MAEA: variants seen among roughly 807,000 people sequenced by gnomAD.
The protein encoded by MAEA is macrophage erythroblast attacher, E3 ubiquitin ligase, also known as E3 ubiquitin-protein transferase MAEA.
A neutral mutation model predicts 46.2 loss-of-function variants in MAEA; 22 were observed. The ratio of observed to expected loss-of-function variants is 0.48; its 90% CI spans 0.34 to 0.68. MAEA has a LOEUF of 0.68. Ranked by LOEUF, MAEA falls within the 30% of genes least tolerant of loss-of-function variation. MAEA has a pLI of 0.01. For missense variants in MAEA, 393 were observed against 558.1 expected, an observed-to-expected ratio of 0.70 and a Z score of 2.98; for synonymous variants, 246 against 222.6, an observed-to-expected ratio of 1.11 and a Z score of -0.94.
At chr4:1,316,321 C>T (rs1737162541) in intron 3 of MAEA, among the ~76,000 whole-genome samples, 1 of 126,382 alleles carries the variant, frequency 7.9e-6, no homozygotes, top group Non-Finnish European at 1.5e-5. Flanking sequence ...GGCAGTTGTC[C>T]ACTGCTGTGG....
At position 1,312,279 on chromosome 4, in the gene MAEA, G is replaced by C. The variant is rs181747512; in HGVS notation, c.252+118G>C. On this transcript the variant is annotated intron_variant, in intron 2 of 8. Coordinates refer to ENST00000303400, the MANE Select transcript of MAEA (RefSeq NM_001017405.3). ...GGGAACGCGGGAGGTGCGGTTGGGG[G>C]CCCCCTTCCCTGCTGTCTGCCTTCT... 4.7e-6 allele frequency: 6 copies of C among 1,270,698 alleles called. No homozygotes were observed. In the South Asian group the frequency reaches 8.4e-5, roughly 18 times the overall value. The allele number at this position is 1,270,698 out of a possible 1,614,324, so 78.7% of individuals were successfully genotyped here.
chr4:1,317,808 G>A (rs1737489117), intron 3 of MAEA, among the ~76,000 whole-genome samples: 1 of 152,228 alleles, frequency 6.6e-6, no homozygotes, highest in Non-Finnish European at 1.5e-5. Context: ...TGGTGCCCCT[G>A]GGTGCCCTGC....
intron 1 of MAEA, among the ~76,000 whole-genome samples, chr4:1,308,988 G>A (rs372736415): frequency 3.3e-5 from 5 of 152,190 alleles, no homozygotes; most frequent in South Asian, 4.1e-4. Context: ...CCTATGATAC[G>A]GTCTGTGAGG....
At chr4:1,334,056 ACCCACCCCCATGCCCGTGTGC>A in intron 6 of MAEA, among the ~76,000 whole-genome samples, 1 of 17,512 alleles carries the variant, frequency 5.7e-5, no homozygotes, top group African/African-American at 3.1e-4. Flanking sequence ...TCACCCCTGC[ACCCACCCCCATGCCCGTGTGC>A]TCACCCCTGC....
At chr4:1,336,606 G>A (rs535886054) in intron 6 of MAEA, among the ~76,000 whole-genome samples, 1 of 152,254 alleles carries the variant, frequency 6.6e-6, no homozygotes, top group African/African-American at 2.4e-5. Flanking sequence ...CCTGTAGCAT[G>A]TTGAAATCAG....
chr4:1,316,136 C>T (rs988947727), intron 3 of MAEA, among the ~76,000 whole-genome samples: 8 of 152,110 alleles, frequency 5.3e-5, no homozygotes, highest in African/African-American at 1.2e-4. Context: ...TCCATTGCTT[C>T]CTCGTGAGAG....
intron 5 of MAEA, chr4:1,330,186 A>T (rs1265580791): frequency 2.1e-6 from 2 of 972,608 alleles, no homozygotes; most frequent in Middle Eastern, 5.3e-4. Flanking sequence ...TGAATCCCTG[A>T]CCCCAGGCGG....
intron 1 of MAEA, among the ~76,000 whole-genome samples, chr4:1,295,809 TGCCCCCTCACCCAC>T (rs2108855450): frequency 6.1e-5 from 4 of 66,024 alleles, no homozygotes; most frequent in African/African-American, 1.4e-4. Flanking sequence ...CCAGCGCCTG[TGCCCCCTCACCCAC>T]GCCTGTGCCC....
At position 1,289,953 on chromosome 4, in the gene MAEA, C is replaced by G. The variant is rs377160765; in HGVS notation, c.40C>G (p.Leu14Val). 5 of 1,601,668 alleles carry G rather than the reference C, an allele frequency of 3.1e-6. No homozygotes were observed. Among genetic ancestry groups the G allele is most frequent in the Non-Finnish European group, 4.3e-6 (5 of 1,173,918 alleles). The change falls in exon 1 of 9, where the codon CTG becomes GTG. Residue 14 changes from leucine (L) to valine (V), a missense_variant. Leu to Val is a conservative substitution (Grantham distance 32, BLOSUM62 1). This residue lies in a region of MAEA where 35 missense variants were observed against 20.1 expected (regional missense o/e 1.74). Transcript: ENST00000303400. ...QESAAQLSMT[L>V]KVQEYPTLKV... ...GTCGGCGGCTCAGTTGTCCATGACC[C>G]TGAAGGTCCAGGAGTACCCGACCCT...
chr4:1,314,281 C>T (rs1338306945), intron 2 of MAEA, among the ~76,000 whole-genome samples: 3 of 150,864 alleles, frequency 2.0e-5, no homozygotes, highest in South Asian at 2.1e-4. Context: ...GAGCTGAGAT[C>T]GCACCACTGC....
At chr4:1,294,658 G>A (rs954863761) in intron 1 of MAEA, among the ~76,000 whole-genome samples, 10 of 152,022 alleles carry the variant, frequency 6.6e-5, no homozygotes, top group African/African-American at 2.4e-5. Context: ...CAGGCCCTGG[G>A]CTAGCATGAT....
chr4:1,294,808 C>T (rs898738264), intron 1 of MAEA, among the ~76,000 whole-genome samples: 2 of 11,576 alleles, frequency 1.7e-4, no homozygotes, highest in East Asian at 4.0e-3. Context: ...GGGGTGGGGC[C>T]GGGGGCAGGG....
At chr4:1,325,432 A>G (rs1241899474) in intron 4 of MAEA, among the ~76,000 whole-genome samples, 4 of 152,220 alleles carry the variant, frequency 2.6e-5, no homozygotes, top group Admixed American at 6.5e-5. Context: ...CTGAATACCT[A>G]AGTTTCACGA....
intron 5 of MAEA, chr4:1,329,672 C>G (rs111690093): frequency 2.0e-6 from 2 of 985,458 alleles, no homozygotes; most frequent in African/African-American, 3.5e-5. Context: ...GGCCCTGGAG[C>G]CACCCACAAG....
At chr4:1,294,146 C>A (rs749050005) in intron 1 of MAEA, among the ~76,000 whole-genome samples, 1 of 152,230 alleles carries the variant, frequency 6.6e-6, no homozygotes, top group East Asian at 1.9e-4. Context: ...AGAATCCGCC[C>A]GGTCTCTAGA....
At chr4:1,306,947 T>G (rs1691096852) in intron 1 of MAEA, among the ~76,000 whole-genome samples, 1 of 152,146 alleles carries the variant, frequency 6.6e-6, no homozygotes, top group African/African-American at 2.4e-5. Flanking sequence ...CTCAGTTGCC[T>G]TGGCCCCTTG....
Position 1,317,495 on chromosome 4 carries a change from C to T in MAEA, c.456+1895C>T, listed in dbSNP as rs528286878. ...CTCTCAGATGCTGCCCTGGGTGGAG[C>T]GGCACCCTCCCACCCATGCCTTCTC... On this transcript the variant is annotated intron_variant, in intron 3 of 8. Coordinates refer to ENST00000303400, the MANE Select transcript of MAEA (RefSeq NM_001017405.3). Among the ~76,000 whole-genome samples, 88 of 151,932 alleles carry T rather than the reference C, an allele frequency of 5.8e-4. 1 individual carries two copies. In the South Asian group the frequency reaches 0.017, roughly 29 times the overall value.
chr4:1,315,291 T>C (rs559286629), intron 2 of MAEA, 106 bp from the exon 3 acceptor site: 344 of 1,090,534 alleles, frequency 3.2e-4, no homozygotes, highest in Non-Finnish European at 4.4e-4. Context: ...CCGTAATCCC[T>C]GCTTTTCTCC....
At chr4:1,298,460 C>T (rs961028566) in intron 1 of MAEA, among the ~76,000 whole-genome samples, 1 of 136,150 alleles carries the variant, frequency 7.3e-6, no homozygotes, top group African/African-American at 3.4e-5. Flanking sequence ...GTGTGCGGGA[C>T]CCACAGGTCC....
Sources: gnomAD v4.1 joint callset for allele counts (sites outside exome capture counted in the v4.1 genomes callset) on GRCh38, gnomAD v4.1.1 for gene constraint, gnomAD v4.1.1 regional missense constraint, MANE v1.5 for transcripts, NCBI Gene and HGNC (gene_info 2026-07-23, HGNC 2026-07-21) for gene names.